The following ADAMTS17 variants were observed in gnomAD, a reference collection of about 807,000 sequenced individuals.
The protein encoded by ADAMTS17 is ADAM metallopeptidase with thrombospondin type 1 motif 17.
ADAMTS17 carries 113 observed loss-of-function variants against 141.5 expected under a neutral mutation model. That is an observed-to-expected ratio of 0.80 (90% CI 0.69 to 0.93). The LOEUF (loss-of-function observed/expected upper bound fraction) is 0.93, where lower values mean the gene tolerates loss of function less well. Among genes scored for constraint, ADAMTS17 ranks in the 40% least tolerant of loss-of-function variants. The pLI, the probability that ADAMTS17 is intolerant of heterozygous loss-of-function variation, is 0.00. For synonymous variants in ADAMTS17, 768 were observed against 630.6 expected (o/e 1.22, Z -3.27); for missense variants, 1,659 against 1,517.9 (o/e 1.09, Z -1.54).
intron 8 of ADAMTS17, among the ~76,000 whole-genome samples, chr15:100,189,160 C>T (rs112677051): frequency 0.012 from 1,769 of 152,332 alleles, 11 homozygotes; most frequent in Non-Finnish European, 0.017. Flanking sequence ...GTGCAAGGCA[C>T]GAGTTGAAGT....
chr15:100,144,397 A>G (rs2038800538), intron 10 of ADAMTS17, among the ~76,000 whole-genome samples: 1 of 152,094 alleles, frequency 6.6e-6, no homozygotes, highest in South Asian at 2.1e-4. Context: ...TAAAAATACA[A>G]AAATTAGCCG....
At chr15:100,090,031 G>T (rs899752556) in intron 15 of ADAMTS17, among the ~76,000 whole-genome samples, 2 of 150,142 alleles carry the variant, frequency 1.3e-5, no homozygotes, top group African/African-American at 4.9e-5. Context: ...GAAATAAATT[G>T]GAAAAAAAAT....
At chr15:100,133,786 G>A (rs1317750136) in intron 10 of ADAMTS17, among the ~76,000 whole-genome samples, 2 of 152,186 alleles carry the variant, frequency 1.3e-5, no homozygotes, top group African/African-American at 4.8e-5. Flanking sequence ...CCACTGTGAG[G>A]CCAAGAAATG....
chr15:100,203,315 G>A (rs1014987362), intron 7 of ADAMTS17, among the ~76,000 whole-genome samples: 6 of 152,218 alleles, frequency 3.9e-5, no homozygotes, highest in Non-Finnish European at 7.3e-5. Context: ...GCTCATGCCT[G>A]TAATCCCAGC....
intron 18 of ADAMTS17, among the ~76,000 whole-genome samples, chr15:100,032,069 G>T (rs1014754612): frequency 6.6e-6 from 1 of 152,198 alleles, no homozygotes; most frequent in Non-Finnish European, 1.5e-5. Context: ...CAGCATGGAG[G>T]TTTCAGAAGC....
In ADAMTS17 at chr15:99,972,257, C is replaced by G. The variant is rs896583973; in HGVS notation, c.*2145G>C. ...CAGAGGGAGACTCTGTCTCAAAAAA[C>G]AACACCGACAACAAAAAGATGAGCT... On this transcript the variant is annotated 3_prime_UTR_variant, in exon 22 of 22. Coordinates refer to ENST00000268070, the MANE Select transcript of ADAMTS17 (RefSeq NM_139057.4). The G allele has an allele frequency of 6.6e-6, 1 of 152,096 alleles. No homozygotes were observed. Among genetic ancestry groups the G allele is most frequent in the Non-Finnish European group, 1.5e-5 (1 of 68,046 alleles). 9.4% of individuals were successfully genotyped at this position (152,096 alleles called of 1,614,324 possible). A position where few individuals can be genotyped will look rare whatever the true frequency, so the allele number is the denominator to read the frequency against.
At chr15:100,304,556 T>G (rs2045156431) in intron 3 of ADAMTS17, among the ~76,000 whole-genome samples, 1 of 152,210 alleles carries the variant, frequency 6.6e-6, no homozygotes, top group Non-Finnish European at 1.5e-5. Flanking sequence ...AAGGGTTCCA[T>G]CTGCAGGGAT....
At chr15:100,301,692 T>C (rs2045043907) in intron 3 of ADAMTS17, among the ~76,000 whole-genome samples, 1 of 152,128 alleles carries the variant, frequency 6.6e-6, no homozygotes, top group South Asian at 2.1e-4. Flanking sequence ...ATTCTACTAG[T>C]AAATTATCTT....
chr15:100,102,010 G>T (rs376914202), intron 14 of ADAMTS17, among the ~76,000 whole-genome samples: 25 of 152,282 alleles, frequency 1.6e-4, no homozygotes, highest in African/African-American at 5.8e-4. Flanking sequence ...CTTCATTCTT[G>T]TTTTGCTAAA....
chr15:100,168,400 T>C (rs74037542), intron 8 of ADAMTS17: 3,913 of 152,336 alleles, frequency 0.026, 161 homozygotes, highest in East Asian at 0.17. Context: ...TCAGTTATCA[T>C]GGAACTTTGT....
intron 10 of ADAMTS17, among the ~76,000 whole-genome samples, chr15:100,136,970 T>A (rs2038366154): frequency 6.6e-6 from 1 of 152,208 alleles, no homozygotes; most frequent in Non-Finnish European, 1.5e-5. Flanking sequence ...GAGTGAGTGA[T>A]GCTGATACAG....
chr15:100,340,552 C>T (rs1814599516), intron 2 of ADAMTS17, among the ~76,000 whole-genome samples: 1 of 152,154 alleles, frequency 6.6e-6, no homozygotes, highest in Non-Finnish European at 1.5e-5. Flanking sequence ...ACTTCCTGTT[C>T]CAGGTACAGA....
chr15:100,195,902 T>C (rs185511944), intron 8 of ADAMTS17, among the ~76,000 whole-genome samples: 11 of 152,360 alleles, frequency 7.2e-5, no homozygotes, highest in Admixed American at 6.5e-4. Context: ...TCCCAAATCA[T>C]ATTAAGTAGT....
At chr15:100,206,381 G>A (rs1308878178) in intron 7 of ADAMTS17, among the ~76,000 whole-genome samples, 1 of 152,200 alleles carries the variant, frequency 6.6e-6, no homozygotes, top group South Asian at 2.1e-4. Flanking sequence ...CCCCTTACTG[G>A]CAGCATGAGG....
intron 18 of ADAMTS17, among the ~76,000 whole-genome samples, chr15:100,036,669 C>G (rs2030749589): frequency 1.3e-5 from 2 of 152,244 alleles, no homozygotes; most frequent in South Asian, 4.1e-4. Context: ...GTTTTCACTA[C>G]AATCTAGGAT....
chr15:100,267,079 T>C (rs117616512), intron 4 of ADAMTS17, among the ~76,000 whole-genome samples: 3,531 of 152,246 alleles, frequency 0.023, 46 homozygotes, highest in Non-Finnish European at 0.035. Flanking sequence ...TACGTTCACG[T>C]TATTGTACAA....
intron 20 of ADAMTS17, among the ~76,000 whole-genome samples, chr15:99,992,090 G>A (rs575410773): frequency 8.3e-4 from 127 of 152,222 alleles, no homozygotes; most frequent in African/African-American, 2.9e-3. Flanking sequence ...TTAAAACCTA[G>A]ATGATGGGTT....
chr15:100,176,573 C>T (rs2040346133), intron 8 of ADAMTS17, among the ~76,000 whole-genome samples: 1 of 152,188 alleles, frequency 6.6e-6, no homozygotes, highest in Admixed American at 6.5e-5. Flanking sequence ...TGGATAACTA[C>T]AGTATATCAA....
At chr15:100,175,940 T>C (rs2040323711) in intron 8 of ADAMTS17, among the ~76,000 whole-genome samples, 1 of 152,166 alleles carries the variant, frequency 6.6e-6, no homozygotes, top group African/African-American at 2.4e-5. Flanking sequence ...TTTTAGGACA[T>C]AAGAAATAAT....
Sources: gnomAD v4.1 joint callset for allele counts (sites outside exome capture counted in the v4.1 genomes callset) on GRCh38, gnomAD v4.1.1 for gene constraint, MANE v1.5 for transcripts, NCBI Gene and HGNC (gene_info 2026-07-23, HGNC 2026-07-21) for gene names.